Variants in STARD9 observed in about 807,000 individuals in gnomAD.
The protein encoded by STARD9 is stAR-related lipid transfer protein 9.
In STARD9, 346 loss-of-function variants were observed where a neutral mutation model predicts 399.8. The ratio of observed to expected loss-of-function variants is 0.87; its 90% confidence interval spans 0.79 to 0.95. The LOEUF is 0.95. Among genes scored for constraint, STARD9 ranks in the 40% least tolerant of loss-of-function variants. The pLI, the probability that STARD9 is intolerant of heterozygous loss-of-function variation, is 0.00. For synonymous variants in STARD9, 2,203 were observed against 2,143.5 expected (o/e 1.03, Z -0.77); for missense variants, 5,832 against 5,667.5 (o/e 1.03, Z -0.93).
chr15:42,684,608 G>T lies in STARD9; in HGVS notation c.3030G>T (p.Leu1010Phe), dbSNP rs770482285. ...KAAKGASCNS[L>F]YPHGPRQTAG... ...CTAAGGGAGCCAGTTGCAATTCCTT[G>T]TATCCTCATGGACCCAGGCAGACTG... The change falls in exon 23 of 33, where the codon TTG becomes TTT. Residue 1010 changes from leucine (L) to phenylalanine (F), a missense_variant. Coordinates refer to ENST00000290607, the MANE Select transcript of STARD9 (RefSeq NM_020759.3). 1 of 1,537,106 alleles carries T rather than the reference G, an allele frequency of 6.5e-7. No individual in the cohort carries two copies. Among genetic ancestry groups the T allele is most frequent in the African/African-American group, 1.4e-5 (1 of 73,046 alleles).
At chr15:42,605,895 A>G (rs2058713944) in intron 3 of STARD9, among the ~76,000 whole-genome samples, 1 of 152,138 alleles carries the variant, frequency 6.6e-6, no homozygotes, top group Non-Finnish European at 1.5e-5. Context: ...TAAAGCACAA[A>G]CATGTCGTGG....
rs1178961460 is a variant in STARD9, at chr15:42,684,593, C to T, written c.3015C>T (p.Ala1005=). The T allele has an allele frequency of 5.2e-6, 8 of 1,537,224 alleles. No individual in the cohort carries two copies. Among genetic ancestry groups the T allele is most frequent in the Non-Finnish European group, 7.0e-6 (8 of 1,146,910 alleles). The change falls in exon 23 of 33, where the codon GCC becomes GCT. Residue 1005 remains alanine (A), a synonymous_variant. Transcript: ENST00000290607. ...NLGTHKAAKG[A]SCNSLYPHGP... ...GGACCCACAAGGCTGCTAAGGGAGC[C>T]AGTTGCAATTCCTTGTATCCTCATG...
chr15:42,677,666 G>GC (rs1322839897), intron 20 of STARD9, among the ~76,000 whole-genome samples: 1 of 152,196 alleles, frequency 6.6e-6, no homozygotes, highest in African/African-American at 2.4e-5. Flanking sequence ...TCACGTCCTG[G>GC]CTGTACTGCA....
chr15:42,695,814 TG>T lies in STARD9; in HGVS notation c.13220del (p.Gly4407AlafsTer2). The T allele has an allele frequency of 1.3e-6, 2 of 1,537,282 alleles. No homozygotes were observed. Among genetic ancestry groups the T allele is most frequent in the Non-Finnish European group, 1.7e-6 (2 of 1,146,898 alleles). On this transcript the variant is annotated frameshift_variant, in exon 26 of 33. Transcript: ENST00000290607. LOFTEE classifies it high-confidence loss of function. ...CCAGCTCTAATGGAAGCCTCTCGTC[TG>T]GCATGACCTCTGGCTATAATAGCAG... ...CTSSNGSLSS[G>X]MTSGYNSSPA...
rs548372718 is a variant in STARD9 at position 42,638,162 on chromosome 15, C to T, written c.446+75C>T. 137 of 1,330,190 alleles carry T rather than the reference C, an allele frequency of 1.0e-4. 1 individual carries two copies. The South Asian group carries it at 1.6e-3, about 16-fold the overall frequency. The allele number at this position is 1,330,190 out of a possible 1,614,324, so 82.4% of individuals were successfully genotyped here. The stretch of plus-strand genomic sequence containing the variant: ...AAATTCTACCATGTTCAGCTGTCCT[C>T]TCTTTGCTTCCAGAGTCACCACAGG... On this transcript the variant is annotated intron_variant, in intron 6 of 32. Transcript: ENST00000290607.
Position 42,691,528 on chromosome 15 carries a change from A to G in STARD9, c.9950A>G (p.His3317Arg), listed in dbSNP as rs1440650715. Reference sequence around the variant, plus strand: ...ACTACAATCTTCTCTGGCCCCAAACACTCCAGGTCCTCCCCCACACCACAG... The same window carrying G: ...ACTACAATCTTCTCTGGCCCCAAACGCTCCAGGTCCTCCCCCACACCACAG... ...PVTTIFSGPK[H>R]SRSSPTPQFS... is the part of the protein sequence containing the mutation. The change falls in exon 23 of 33, where the codon CAC becomes CGC. Residue 3317 changes from histidine (H) to arginine (R), a missense_variant. This residue lies in a region of STARD9 where 5,828 missense variants were observed against 5,651.1 expected (regional missense o/e 1.03). Transcript: ENST00000290607. The G allele has an allele frequency of 6.5e-7, 1 of 1,536,432 alleles. No homozygotes were observed. Among genetic ancestry groups the G allele is most frequent in the East Asian group, 2.4e-5 (1 of 40,870 alleles).
chr15:42,694,012 G>T lies in STARD9; in HGVS notation c.12434G>T (p.Trp4145Leu). ...DLPVHNKFSN[W>L]CGVQKGSPGG... is the part of the protein sequence containing the mutation. ...CCGGTGCATAACAAATTTAGTAACT[G>T]GTGTGGGGTTCAGAAGGGCTCACCT... The change falls in exon 23 of 33, where the codon TGG (tryptophan) becomes TTG (leucine). Residue 4145 changes from tryptophan (W) to leucine (L), a missense_variant. Physicochemically the swap from Trp to Leu is moderately conservative, Grantham distance 61 (BLOSUM62 -2). Transcript: ENST00000290607. The T allele has an allele frequency of 6.6e-7, 1 of 1,525,648 alleles. No individual in the cohort carries two copies. Among genetic ancestry groups the T allele is most frequent in the Non-Finnish European group, 8.8e-7 (1 of 1,140,968 alleles). The allele number at this position is 1,525,648 out of a possible 1,614,324, so 94.5% of individuals were successfully genotyped here.
At chr15:42,589,013 C>T (rs887219895) in intron 3 of STARD9, among the ~76,000 whole-genome samples, 2 of 151,754 alleles carry the variant, frequency 1.3e-5, no homozygotes, top group African/African-American at 4.8e-5. Context: ...CAGGGTTTCG[C>T]CATGTTGGCT....
At chr15:42,618,270 G>C (rs571236828) in intron 3 of STARD9, among the ~76,000 whole-genome samples, 5 of 151,518 alleles carry the variant, frequency 3.3e-5, no homozygotes, top group African/African-American at 1.2e-4. Flanking sequence ...GTAGCTGGGA[G>C]TACAGGTGTG....
At chr15:42,604,188 A>G (rs1325545064) in intron 3 of STARD9, among the ~76,000 whole-genome samples, 4 of 152,198 alleles carry the variant, frequency 2.6e-5, no homozygotes, top group African/African-American at 4.8e-5. Flanking sequence ...ATAACTTCCT[A>G]TGTCAGATTT....
rs2060513074 is a variant in STARD9, at chr15:42,684,888, G to C, written c.3310G>C (p.Asp1104His). 6.5e-7 allele frequency: 1 copy of C among 1,537,078 alleles called. No individual in the cohort carries two copies. The highest frequency in any genetic ancestry group is 1.2e-5 in the South Asian group (1 of 84,052). Residue 1104 changes from aspartate (D) to histidine (H), a missense_variant, in exon 23 of 33, where the codon GAT (aspartate) becomes CAT (histidine). This residue lies in a region of STARD9 where 5,828 missense variants were observed against 5,651.1 expected (regional missense o/e 1.03). Transcript: ENST00000290607. ...REKDNDLSDT[D>H]SNYSLDSLSC... ...AAAAGACAATGATTTATCTGACACA[G>C]ATAGCAACTACTCATTGGATTCTCT...
intron 26 of STARD9, among the ~76,000 whole-genome samples, chr15:42,711,952 C>G (rs2061231877): frequency 6.9e-6 from 1 of 143,968 alleles, no homozygotes. Context: ...TCCGTCCTCA[C>G]CAACAGTTGC....
chr15:42,589,799 G>A (rs1225393517), intron 3 of STARD9, among the ~76,000 whole-genome samples: 2 of 151,178 alleles, frequency 1.3e-5, no homozygotes, highest in East Asian at 3.9e-4. Context: ...TAGAGACGGG[G>A]TTTCACTATG....
At position 42,691,201 on chromosome 15, in the gene STARD9, C is replaced by T; in HGVS notation, c.9623C>T (p.Pro3208Leu). ...ACCTGCAGCCCCCAGGAAGACAGTC[C>T]CTGGCAGGAAGAAGAGCAGCACAGA... ...KHTCSPQEDS[P>L]WQEEEQHRDQ... Residue 3208 changes from proline to leucine, a missense_variant, in exon 23 of 33, where the codon CCC becomes CTC. Around this residue, in one of 2 missense-constraint regions of STARD9, gnomAD observed 5,828 missense variants for 5,651.1 expected, o/e 1.03. Transcript: ENST00000290607. 1 of 1,537,202 alleles carries T rather than the reference C, an allele frequency of 6.5e-7. No homozygotes were observed. Among genetic ancestry groups the T allele is most frequent in the Non-Finnish European group, 8.7e-7 (1 of 1,146,906 alleles).
At position 42,685,476 on chromosome 15, in the gene STARD9, C is replaced by T; in HGVS notation, c.3898C>T (p.Gln1300Ter). ...TGAGCTCCAACCCCATTGTGAGCTC[C>T]AGCCCCATTGTGAGCAGGCTGAATC... ...HCELQPHCEL[Q>*]PHCEQAESQV... The change falls in exon 23 of 33, where the codon CAG (glutamine) becomes TAG (stop). Residue 1300 changes from glutamine to a stop codon, truncating the protein, a stop_gained. Coordinates refer to ENST00000290607, the MANE Select transcript of STARD9 (RefSeq NM_020759.3). LOFTEE classifies it high-confidence loss of function. 1 of 1,530,962 alleles carries T rather than the reference C, an allele frequency of 6.5e-7. No individual in the cohort carries two copies. Among genetic ancestry groups the T allele is most frequent in the Non-Finnish European group, 8.7e-7 (1 of 1,143,750 alleles). 94.8% of individuals were successfully genotyped at this position (1,530,962 alleles called of 1,614,324 possible).
At position 42,692,505 on chromosome 15, in the gene STARD9, C is replaced by T. The variant is rs888786867; in HGVS notation, c.10927C>T (p.Gln3643Ter). Residue 3643 changes from glutamine to a stop codon, truncating the protein, a stop_gained, in exon 23 of 33, where the codon CAG (glutamine) becomes TAG (stop). Coordinates refer to ENST00000290607, the MANE Select transcript of STARD9 (RefSeq NM_020759.3). LOFTEE classifies it high-confidence loss of function. ...TRTNTFEQGT[Q>*]TLGSRRHWSS... ...GACGAACACATTCGAACAGGGCACA[C>T]AGACCCTCGGCAGCAGGCGCCACTG... The T allele has an allele frequency of 6.5e-7, 1 of 1,537,182 alleles. No individual in the cohort carries two copies. Among genetic ancestry groups the T allele is most frequent in the Admixed American group, 2.0e-5 (1 of 51,000 alleles).
chr15:42,648,425 A>C (rs2059688619), intron 7 of STARD9, among the ~76,000 whole-genome samples: 3 of 152,028 alleles, frequency 2.0e-5, no homozygotes, highest in Admixed American at 2.0e-4. Context: ...GGCCTCCCAA[A>C]GTGCTGGGAT....
At chr15:42,634,582 C>T (rs1358562831) in intron 3 of STARD9, among the ~76,000 whole-genome samples, 1 of 152,074 alleles carries the variant, frequency 6.6e-6, no homozygotes, top group Admixed American at 6.6e-5. Flanking sequence ...CTCTCTTTGC[C>T]TTAAGTTTAG....
chr15:42,629,852 C>T (rs2059294171), intron 3 of STARD9: 1 of 151,762 alleles, frequency 6.6e-6, no homozygotes, highest in Non-Finnish European at 1.5e-5. Flanking sequence ...TTATCAAATG[C>T]TTTTTCAACA....
Sources: gnomAD v4.1 joint callset for allele counts (sites outside exome capture counted in the v4.1 genomes callset) on GRCh38, gnomAD v4.1.1 for gene constraint, gnomAD v4.1.1 regional missense constraint, MANE v1.5 for transcripts, NCBI Gene and HGNC (gene_info 2026-07-23, HGNC 2026-07-21) for gene names.